Variants in SPECC1 observed in about 807,000 individuals in gnomAD.
The protein encoded by SPECC1 is cytospin-B.
Under a neutral mutation model 104.1 loss-of-function variants are expected in SPECC1, and 62 were observed. The ratio of observed to expected loss-of-function variants is 0.60; its 90% CI spans 0.49 to 0.74. SPECC1 has a LOEUF of 0.74. SPECC1 is among the 30% of genes least tolerant of loss of function. The probability of loss-of-function intolerance (pLI) is 0.00; values close to 1 mark genes in which losing one functional copy is unlikely to be tolerated. For missense variants in SPECC1, 1,306 were observed against 1,310.5 expected, an observed-to-expected ratio of 1.00 and a Z score of 0.05; for synonymous variants, 513 against 501.6, an observed-to-expected ratio of 1.02 and a Z score of -0.30.
Position 20,238,330 on chromosome 17 carries a change from T to C in SPECC1, c.2351+5925T>C, listed in dbSNP as rs2039032397. On this transcript the variant is annotated intron_variant, in intron 7 of 14. Coordinates refer to ENST00000395527, the MANE Select transcript of SPECC1 (RefSeq NM_001243439.2). ...TCAGAGTGATACACAATTCAAAATG[T>C]GATTTTAAACTTCTGGAAATATGTG... 25 of 1,039,762 alleles carry C rather than the reference T, an allele frequency of 2.4e-5. No individual in the cohort carries two copies. The South Asian group carries it at 1.0e-3, about 42-fold the overall frequency. The allele number at this position is 1,039,762 out of a possible 1,614,324, so 64.4% of individuals were successfully genotyped here. A position where few individuals can be genotyped will look rare whatever the true frequency, so the allele number is the denominator to read the frequency against.
chr17:20,015,560 A>C (rs1271517599), intron 1 of SPECC1, among the ~76,000 whole-genome samples: 1 of 131,062 alleles, frequency 7.6e-6, no homozygotes, highest in African/African-American at 2.8e-5. Flanking sequence ...ATTGATTATC[A>C]TATTTTTAAC....
chr17:20,260,996 G>T (rs1003666609), intron 12 of SPECC1, among the ~76,000 whole-genome samples: 1 of 152,138 alleles, frequency 6.6e-6, no homozygotes. Flanking sequence ...ATTTCCTAGG[G>T]CCAGTTTCTG....
chr17:20,239,919 G>A (rs1192841349), intron 7 of SPECC1, among the ~76,000 whole-genome samples: 1 of 116,042 alleles, frequency 8.6e-6, no homozygotes, highest in Admixed American at 1.1e-4. Flanking sequence ...TTAAAGACAG[G>A]GCCTCACTCT....
At chr17:20,261,992 A>G (rs1035407163) in intron 12 of SPECC1, among the ~76,000 whole-genome samples, 18 of 152,204 alleles carry the variant, frequency 1.2e-4, no homozygotes, top group South Asian at 2.1e-4. Flanking sequence ...GATTTTTACA[A>G]AAGTATGCAT....
intron 7 of SPECC1, among the ~76,000 whole-genome samples, chr17:20,234,894 G>A (rs1289121798): frequency 2.6e-5 from 4 of 152,220 alleles, no homozygotes; most frequent in Non-Finnish European, 4.4e-5. Context: ...CATGATCTTC[G>A]GTCCTGTTAC....
At chr17:20,217,438 G>A (rs889345014) in intron 4 of SPECC1, among the ~76,000 whole-genome samples, 9 of 152,100 alleles carry the variant, frequency 5.9e-5, no homozygotes, top group Non-Finnish European at 7.4e-5. Context: ...GTAACTTGGC[G>A]CAGAGCCTTT....
chr17:20,296,880 C>G (rs761106878), intron 12 of SPECC1, 81 bp from the exon 13 acceptor site: 5 of 1,289,474 alleles, frequency 3.9e-6, no homozygotes, highest in Non-Finnish European at 5.5e-6. Context: ...TGTAGATTCC[C>G]ATCTTATCAC....
chr17:20,212,676 T>C (rs564648161), intron 4 of SPECC1, among the ~76,000 whole-genome samples: 17 of 152,190 alleles, frequency 1.1e-4, no homozygotes, highest in Non-Finnish European at 2.5e-4. Context: ...GTATCACTCA[T>C]GGTAAATTTA....
chr17:20,301,370 G>T (rs1023813628), intron 13 of SPECC1, among the ~76,000 whole-genome samples: 5 of 151,904 alleles, frequency 3.3e-5, no homozygotes, highest in African/African-American at 9.7e-5. Flanking sequence ...TCCAGCCCCA[G>T]CCTGGAGCCG....
At chr17:20,090,089 G>A (rs1454680377) in intron 1 of SPECC1, among the ~76,000 whole-genome samples, 1 of 152,224 alleles carries the variant, frequency 6.6e-6, no homozygotes, top group African/African-American at 2.4e-5. Context: ...TTCTGGAGCG[G>A]AGAGACTTGA....
intron 3 of SPECC1, among the ~76,000 whole-genome samples, chr17:20,173,471 C>A (rs1191983105): frequency 6.6e-6 from 1 of 152,200 alleles, no homozygotes; most frequent in African/African-American, 2.4e-5. Flanking sequence ...TAAACCTGGG[C>A]TCACAAATGA....
In SPECC1 at chr17:20,301,276, T is replaced by G. The variant is rs186072767; in HGVS notation, c.3057+4199T>G. On this transcript the variant is annotated intron_variant, in intron 13 of 14. Transcript: ENST00000395527. ...AAGAGCAGGAAAGATTTCCTAAAAG[T>G]GTGTTAGAAGCTGGGATTCACAGGG... 4.6e-5 allele frequency among the ~76,000 whole-genome samples: 7 copies of G among 152,074 alleles called. No individual in the cohort carries two copies. The East Asian group carries it at 7.7e-4, about 17-fold the overall frequency.
At chr17:20,245,847 G>A in intron 7 of SPECC1, 79 bp from the exon 8 acceptor site, 2 of 1,527,420 alleles carry the variant, frequency 1.3e-6, no homozygotes, top group Non-Finnish European at 1.8e-6. Flanking sequence ...CTCCACATCA[G>A]TTCTGTTTTC....
At chr17:20,119,399 ATGT>A (rs1022346445) in intron 3 of SPECC1, among the ~76,000 whole-genome samples, 6 of 152,174 alleles carry the variant, frequency 3.9e-5, no homozygotes, top group African/African-American at 1.4e-4. Flanking sequence ...CGCCCAGCTA[ATGT>A]TGTACTTTTA....
In SPECC1 at chr17:20,081,294, C is replaced by G. The variant is rs114368159; in HGVS notation, c.-21-15337C>G. Among the ~76,000 whole-genome samples, 1,489 of 152,184 alleles carry G rather than the reference C, an allele frequency of 9.8e-3. 21 individuals are homozygous for G. The highest frequency in any genetic ancestry group is 0.034 in the African/African-American group (1,409 of 41,536). Reference sequence around the variant, plus strand: ...TGGTGCCTACTGCAGTGCCTAGATACAGGAGGTGCTTCCAGAATGATTCTT... The same window carrying G: ...TGGTGCCTACTGCAGTGCCTAGATAGAGGAGGTGCTTCCAGAATGATTCTT... On this transcript the variant is annotated intron_variant, in intron 1 of 14. Coordinates refer to ENST00000395527, the MANE Select transcript of SPECC1 (RefSeq NM_001243439.2).
intron 7 of SPECC1, among the ~76,000 whole-genome samples, chr17:20,242,685 G>A (rs531291612): frequency 2.0e-5 from 3 of 152,292 alleles, no homozygotes; most frequent in Non-Finnish European, 4.4e-5. Flanking sequence ...GAACATTTAT[G>A]CATTATAGAA....
chr17:20,174,255 A>T (rs939528245), intron 3 of SPECC1, among the ~76,000 whole-genome samples: 5 of 152,164 alleles, frequency 3.3e-5, no homozygotes, highest in African/African-American at 1.2e-4. Context: ...ACCCCTGTTT[A>T]AAAAAAGAAA....
intron 12 of SPECC1, among the ~76,000 whole-genome samples, chr17:20,285,066 A>G (rs570233072): frequency 2.0e-5 from 3 of 152,296 alleles, no homozygotes; most frequent in African/African-American, 7.2e-5. Context: ...AGCACAGTAC[A>G]CAATTCAGTG....
chr17:20,220,183 T>G (rs1031192619), intron 4 of SPECC1, among the ~76,000 whole-genome samples: 2 of 152,148 alleles, frequency 1.3e-5, no homozygotes, highest in Admixed American at 1.3e-4. Flanking sequence ...CCATATGACT[T>G]TTAGGATTTA....
Sources: allele counts gnomAD v4.1 joint callset (sites outside exome capture counted in the v4.1 genomes callset), GRCh38; gene constraint gnomAD v4.1.1; transcripts MANE v1.5; gene names NCBI Gene and HGNC (gene_info 2026-07-23, HGNC 2026-07-21).